The following TMF1 variants were observed in gnomAD, a reference collection of about 807,000 sequenced individuals.
TMF1 encodes the protein TATA element modulatory factor.
Under a neutral mutation model 126.5 loss-of-function variants are expected in TMF1, and 71 were observed. That is an observed-to-expected ratio of 0.56 (90% CI 0.46 to 0.68). The LOEUF is 0.68. Ranked by LOEUF, TMF1 falls within the 30% of genes least tolerant of loss-of-function variation. TMF1 has a pLI of 0.00. For missense variants in TMF1, 1,259 were observed against 1,253.2 expected (o/e 1.00, Z -0.07); for synonymous variants, 461 against 430.5 (o/e 1.07, Z -0.88).
intron 8 of TMF1, among the ~76,000 whole-genome samples, chr3:69,036,632 A>T (rs1452322195): frequency 6.6e-6 from 1 of 152,246 alleles, no homozygotes; most frequent in Admixed American, 6.5e-5. Context: ...GGAGCAGCTA[A>T]ATTGGAAGTA....
intron 14 of TMF1, 54 bp from the exon 15 acceptor site, chr3:69,025,766 C>A: frequency 1.3e-6 from 2 of 1,557,422 alleles, no homozygotes; most frequent in Admixed American, 1.9e-5. Context: ...GCTTGTCTTC[C>A]ATTACCAGGT....
In TMF1 at chr3:69,051,967, C is replaced by G. The variant is rs1260475705; in HGVS notation, c.120G>C (p.Glu40Asp). 2 of 1,613,824 alleles carry G rather than the reference C, an allele frequency of 1.2e-6. No homozygotes were observed. The highest frequency in any genetic ancestry group is 1.3e-5 in the African/African-American group (1 of 74,922). Residue 40 changes from glutamate to aspartate, a missense_variant, in exon 1 of 17, where the codon GAG (glutamate) becomes GAC (aspartate). Coordinates refer to ENST00000398559, the MANE Select transcript of TMF1 (RefSeq NM_007114.3). ...IQEEEPSIWA[E>D]TIPYGEPGIS... Reference sequence around the variant, plus strand: ...TACCCGGCTCTCCATACGGAATGGTCTCGGCCCAGATGCTCGGCTCCTCTT... The same window carrying G: ...TACCCGGCTCTCCATACGGAATGGTGTCGGCCCAGATGCTCGGCTCCTCTT...
chr3:69,033,860 C>A, intron 9 of TMF1, 156 bp from the exon 10 acceptor site: 1 of 680,014 alleles, frequency 1.5e-6, no homozygotes, highest in Non-Finnish European at 2.3e-6. Flanking sequence ...AAACGGGGTC[C>A]CGCTCTGTCA....
In TMF1 at chr3:69,021,056, G is replaced by A. The variant is rs1461227864; in HGVS notation, c.*2121C>T. The A allele has an allele frequency of 6.6e-6, 1 of 152,086 alleles. No homozygotes were observed. The highest frequency in any genetic ancestry group is 1.5e-5 in the Non-Finnish European group (1 of 68,004). 9.4% of individuals were successfully genotyped at this position (152,086 alleles called of 1,614,324 possible). On this transcript the variant is annotated 3_prime_UTR_variant, in exon 17 of 17. Transcript: ENST00000398559. The stretch of plus-strand genomic sequence containing the variant: ...GCTTTCTGTGGTTTCGGTTACTCAC[G>A]GTCAACCACAGTCTGATTACAGGTG...
chr3:69,023,992 CAT>C (rs909482164), intron 16 of TMF1, 61 bp downstream of exon 16: 2 of 1,442,320 alleles, frequency 1.4e-6, no homozygotes, highest in Admixed American at 2.5e-5. Context: ...AAATTAAAAA[CAT>C]GAGATTTAAA....
intron 9 of TMF1, among the ~76,000 whole-genome samples, chr3:69,034,760 C>T (rs897114522): frequency 1.3e-5 from 2 of 152,212 alleles, no homozygotes; most frequent in East Asian, 3.9e-4. Flanking sequence ...CATTAATAAG[C>T]GATTACAAAT....
rs1396928644 is a variant in TMF1, at chr3:69,043,736, T to G, written c.1578+14A>C. ...CTATAGAGTTTAATTAATATTACTT[T>G]AAATTTCAATTACCTTTTTAGCAGC... is the stretch of plus-strand genomic sequence containing the variant. On this transcript the variant is annotated intron_variant, in intron 4 of 16. Transcript: ENST00000398559. The G allele has an allele frequency of 6.3e-7, 1 of 1,595,728 alleles. No homozygotes were observed. The highest frequency in any genetic ancestry group is 1.1e-5 in the South Asian group (1 of 87,272).
At chr3:69,025,233 G>T in intron 15 of TMF1, 1 of 200,452 alleles carries the variant, frequency 5.0e-6, no homozygotes, top group Non-Finnish European at 1.0e-5. Context: ...CTGCTTGAAA[G>T]GAGGAGGGAT....
At chr3:69,045,031 A>G (rs138022162) in intron 2 of TMF1, among the ~76,000 whole-genome samples, 94 of 152,378 alleles carry the variant, frequency 6.2e-4, no homozygotes, top group African/African-American at 1.7e-3. Flanking sequence ...GATGGATGCA[A>G]TCAAAAGAGG....
At chr3:69,038,411 A>G (rs2091844531) in intron 8 of TMF1, among the ~76,000 whole-genome samples, 153 bp downstream of exon 8, 1 of 152,256 alleles carries the variant, frequency 6.6e-6, no homozygotes, top group Admixed American at 6.5e-5. Context: ...ACAGTTTTAA[A>G]AAACACAACT....
At chr3:69,039,738 T>TA in intron 5 of TMF1, 45 bp from the exon 6 acceptor site, 1 of 1,567,302 alleles carries the variant, frequency 6.4e-7, no homozygotes, top group Non-Finnish European at 8.6e-7. Flanking sequence ...AACTATTCCC[T>TA]AAAAATCTCA....
chr3:69,039,119 C>CTTTGTCTCAA, intron 6 of TMF1, 110 bp from the exon 7 acceptor site: 1 of 955,892 alleles, frequency 1.0e-6, no homozygotes, highest in Non-Finnish European at 1.5e-6. Context: ...TTTTTTGAGA[C>CTTTGTCTCAA]AAAGTCTCGC....
At position 69,024,079 on chromosome 3, in the gene TMF1, T is replaced by C; in HGVS notation, c.3114A>G (p.Ile1038Met). 2 of 1,608,556 alleles carry C rather than the reference T, an allele frequency of 1.2e-6. No homozygotes were observed. Among genetic ancestry groups the C allele is most frequent in the Non-Finnish European group, 1.7e-6 (2 of 1,178,154 alleles). ...CTCTTAGCTGAGTTCTAAGTTTGGG[T>C]ATCTCCTTCACCTTCTCTTCAAGTT... ...NDELEEKVKE[I>M]PKLRTQLRDL... Residue 1038 changes from isoleucine (I) to methionine (M), a missense_variant, in exon 16 of 17, where the codon ATA becomes ATG. Ile to Met is a conservative substitution (Grantham distance 10). Coordinates refer to ENST00000398559, the MANE Select transcript of TMF1 (RefSeq NM_007114.3).
rs1266166458 is a variant in TMF1, at chr3:69,035,109, C to A, written c.2158G>T (p.Asp720Tyr). 1.2e-6 allele frequency: 2 copies of A among 1,613,694 alleles called. No homozygotes were observed. The highest frequency in any genetic ancestry group is 4.5e-5 in the East Asian group (2 of 44,884). The change falls in exon 9 of 17, where the codon GAC becomes TAC. Residue 720 changes from aspartate to tyrosine, a missense_variant. Physicochemically the swap from Asp to Tyr is radical, Grantham distance 160. Transcript: ENST00000398559. ...GTACGCTGCAATGCAAGCCTAAGGT[C>A]CCCCACCTGTAGGAGGAGAAACAAT... The part of the protein sequence containing the change: ...QQETLAIQVG[D>Y]LRLALQRTEQ...
chr3:69,026,448 T>C (rs574672673), intron 13 of TMF1, among the ~76,000 whole-genome samples: 1 of 152,138 alleles, frequency 6.6e-6, no homozygotes, highest in Admixed American at 6.5e-5. Context: ...AATACAAAAT[T>C]AGCTGGGCGT....
chr3:69,033,273 C>CAAAAAAAAAAAAAAAAAAAAAAAAAAAAA (rs34778745), intron 10 of TMF1, among the ~76,000 whole-genome samples: 1 of 85,644 alleles, frequency 1.2e-5, no homozygotes. Context: ...GACTCCATCT[C>CAAAAAAAAAAAAAAAAAAAAAAAAAAAAA]AAAAAAAAAA....
intron 10 of TMF1, 22 bp from the exon 11 acceptor site, chr3:69,030,029 A>T: frequency 1.3e-6 from 2 of 1,590,660 alleles, no homozygotes; most frequent in Non-Finnish European, 1.7e-6. Context: ...ACAGAAAAAA[A>T]AATCACATAC....
At chr3:69,042,560 A>T in intron 5 of TMF1, 1 of 597,288 alleles carries the variant, frequency 1.7e-6, no homozygotes, top group Non-Finnish European at 3.1e-6. Context: ...GGCAGCACAA[A>T]TTTCTGTCTA....
chr3:69,048,530 T>C lies in TMF1; in HGVS notation c.175A>G (p.Thr59Ala). 6.2e-7 allele frequency: 1 copy of C among 1,610,680 alleles called. No homozygotes were observed. Residue 59 changes from threonine (T) to alanine (A), a missense_variant, in exon 2 of 17, where the codon ACT (threonine) becomes GCT (alanine). Coordinates refer to ENST00000398559, the MANE Select transcript of TMF1 (RefSeq NM_007114.3). ...TTTGATTTCAACCCCCAGGTTGAAG[T>C]ATCCCATCCTCCACTGACAGGGGAA... ...ISSPVSGGWD[T>A]STWGLKSNTE...
Sources: gnomAD v4.1 joint callset for allele counts (sites outside exome capture counted in the v4.1 genomes callset) on GRCh38, gnomAD v4.1.1 for gene constraint, MANE v1.5 for transcripts, NCBI Gene and HGNC (gene_info 2026-07-23, HGNC 2026-07-21) for gene names.